Variants in RYR2 observed in about 807,000 individuals in gnomAD.
The protein encoded by RYR2 is cardiac muscle ryanodine receptor-calcium release channel.
In RYR2, 227 loss-of-function variants were observed where a neutral mutation model predicts 601.1. The ratio of observed to expected loss-of-function variants is 0.38; its 90% CI spans 0.34 to 0.42. The LOEUF is 0.42. Ranked by LOEUF, RYR2 falls within the 10% of genes least tolerant of loss-of-function variation. RYR2 has a pLI of 1.00. For missense variants in RYR2, 4,646 were observed against 6,156.5 expected, an observed-to-expected ratio of 0.75 and a Z score of 8.21; for synonymous variants, 2,223 against 2,175.1, an observed-to-expected ratio of 1.02 and a Z score of -0.61.
chr1:237,783,395 TTATC>T (rs1196062912), intron 89 of RYR2, among the ~76,000 whole-genome samples: 1 of 152,204 alleles, frequency 6.6e-6, no homozygotes, highest in Non-Finnish European at 1.5e-5. Context: ...CTCATTTTCT[TTATC>T]TAAAACATGT....
chr1:237,346,163 C>T (rs944173432), intron 3 of RYR2, among the ~76,000 whole-genome samples: 3 of 151,744 alleles, frequency 2.0e-5, no homozygotes, highest in East Asian at 1.9e-4. Context: ...CCCAGGAGTT[C>T]GAGACCAGCC....
intron 5 of RYR2, among the ~76,000 whole-genome samples, chr1:237,366,157 T>G (rs770623325): frequency 6.6e-6 from 1 of 152,222 alleles, no homozygotes; most frequent in South Asian, 2.1e-4. Flanking sequence ...AGATGGATGC[T>G]TTCTTGTTGT....
chr1:237,758,988 ATTG>A (rs1346945609), intron 82 of RYR2, among the ~76,000 whole-genome samples: 1 of 152,172 alleles, frequency 6.6e-6, no homozygotes, highest in Non-Finnish European at 1.5e-5. Flanking sequence ...AATGATTCCT[ATTG>A]TTTTTTCAAT....
chr1:237,579,897 A>T, intron 29 of RYR2, among the ~76,000 whole-genome samples: 1 of 152,156 alleles, frequency 6.6e-6, no homozygotes, highest in East Asian at 1.9e-4. Context: ...AGCAAAACAA[A>T]ACCAGCAACA....
chr1:237,266,172 C>G, intron 1 of RYR2, among the ~76,000 whole-genome samples: 1 of 152,176 alleles, frequency 6.6e-6, no homozygotes, highest in Non-Finnish European at 1.5e-5. Context: ...AAGTCTGCAC[C>G]TCAGCGGCTG....
chr1:237,324,810 A>G (rs1695991432), intron 2 of RYR2, among the ~76,000 whole-genome samples: 1 of 152,142 alleles, frequency 6.6e-6, no homozygotes, highest in African/African-American at 2.4e-5. Context: ...CATTTGCAAA[A>G]TACATTTTGA....
intron 2 of RYR2, among the ~76,000 whole-genome samples, chr1:237,315,680 G>A (rs948936254): frequency 2.0e-5 from 3 of 152,122 alleles, no homozygotes; most frequent in Admixed American, 6.5e-5. Context: ...AAAATATGTT[G>A]TCCATAAATA....
At position 237,168,864 on chromosome 1, in the gene RYR2, T is replaced by G. The variant is rs1368084861; in HGVS notation, c.49-101633T>G. On this transcript the variant is annotated intron_variant, in intron 1 of 104. Transcript: ENST00000366574. ...TTGACTTAAATATACTAGGAATATT[T>G]AAGTCTATCCGAGTCTTTCCTCCCC... Among the ~76,000 whole-genome samples the G allele has an allele frequency of 1.1e-4, 17 of 152,216 alleles. No individual in the cohort carries two copies. In the East Asian group the frequency reaches 3.3e-3, roughly 29 times the overall value.
chr1:237,752,043 A>C (rs908698393), intron 80 of RYR2, among the ~76,000 whole-genome samples: 1 of 152,184 alleles, frequency 6.6e-6, no homozygotes, highest in South Asian at 2.1e-4. Context: ...ATATCACATC[A>C]TTTAGTTCTG....
At chr1:237,278,851 C>T (rs980747062) in intron 2 of RYR2, among the ~76,000 whole-genome samples, 5 of 152,142 alleles carry the variant, frequency 3.3e-5, no homozygotes, top group Non-Finnish European at 7.3e-5. Flanking sequence ...AATTGCTCTT[C>T]GTTTCTCCTT....
rs767973692 is a variant in RYR2, at chr1:237,500,697, T to C, written c.2204-14T>C. On this transcript the variant is annotated splice_polypyrimidine_tract_variant and intron_variant, in intron 20 of 104. Coordinates refer to ENST00000366574, the MANE Select transcript of RYR2 (RefSeq NM_001035.3). The stretch of plus-strand genomic sequence containing the variant: ...AAAAATACATGACCTTCCTTAATGT[T>C]TTCCCCCCAATAGGTTGTATTGCTC... The C allele has an allele frequency of 6.4e-7, 1 of 1,570,618 alleles. No individual in the cohort carries two copies. The highest frequency in any genetic ancestry group is 1.7e-4 in the Middle Eastern group (1 of 5,826).
At chr1:237,262,245 GTTTTTTTTTTTT>G (rs386370106) in intron 1 of RYR2, among the ~76,000 whole-genome samples, 1 of 61,102 alleles carries the variant, frequency 1.6e-5, no homozygotes, top group Admixed American at 3.0e-4. Context: ...GTTCTAAAGA[GTTTTTTTTTTTT>G]TTTTTTTTTT....
intron 42 of RYR2, 70 bp downstream of exon 42, chr1:237,631,611 AGATTTTTTTTTTT>A: frequency 3.4e-6 from 1 of 292,580 alleles, no homozygotes; most frequent in African/African-American, 5.0e-5. Context: ...TATAGAATGC[AGATTTTTTTTTTT>A]TTTTTTTTTT....
rs572067911 is a variant in RYR2, at chr1:237,601,701, T to C, written c.4597-324T>C. ...TATCAAAACATCATGTTACACCCCA[T>C]TAAATATCTACAATGTGTCAATTAA... On this transcript the variant is annotated intron_variant, in intron 34 of 104. Coordinates refer to ENST00000366574, the MANE Select transcript of RYR2 (RefSeq NM_001035.3). 2.0e-5 allele frequency among the ~76,000 whole-genome samples: 3 copies of C among 152,262 alleles called. No individual in the cohort carries two copies. The East Asian group carries it at 5.8e-4, about 29-fold the overall frequency.
intron 61 of RYR2, 41 bp from the exon 62 acceptor site, chr1:237,680,415 G>A: frequency 1.3e-6 from 2 of 1,583,382 alleles, no homozygotes; most frequent in Non-Finnish European, 1.7e-6. Flanking sequence ...TCCCCTGAAA[G>A]ATTCCACTAC....
chr1:237,369,697 C>A, intron 6 of RYR2, 89 bp downstream of exon 6: 1 of 1,015,410 alleles, frequency 9.8e-7, no homozygotes, highest in South Asian at 1.4e-5. Flanking sequence ...ATCATTTCTG[C>A]AATGGTATTA....
At chr1:237,577,579 C>T (rs1036336330) in intron 29 of RYR2, among the ~76,000 whole-genome samples, 3 of 147,914 alleles carry the variant, frequency 2.0e-5, no homozygotes, top group Non-Finnish European at 4.5e-5. Context: ...AGAGAGAGAT[C>T]GATCTGGGAG....
At chr1:237,172,596 A>C (rs1020631079) in intron 1 of RYR2, among the ~76,000 whole-genome samples, 47 of 152,172 alleles carry the variant, frequency 3.1e-4, no homozygotes, top group Non-Finnish European at 2.2e-4. Flanking sequence ...GTAAAAAGAG[A>C]TGCAGAAAGC....
chr1:237,711,805 C>A lies in RYR2; in HGVS notation c.10291C>A (p.Leu3431Ile). The A allele has an allele frequency of 6.4e-7, 1 of 1,551,792 alleles. No individual in the cohort carries two copies. The highest frequency in any genetic ancestry group is 1.1e-5 in the South Asian group (1 of 88,908). The part of the protein sequence containing the change: ...VQNEINNMSF[L>I]ITDTKSKMSK... ...GAATGAAATCAACAATATGTCTTTC[C>A]TTATTACTGATACCAAGTCAAAGAT... Residue 3431 changes from leucine to isoleucine, a missense_variant, in exon 71 of 105, where the codon CTT becomes ATT. Leu to Ile is a conservative substitution (Grantham distance 5). This residue lies in a region of RYR2 where 1,497 missense variants were observed against 1,842.6 expected (regional missense o/e 0.81). Coordinates refer to ENST00000366574, the MANE Select transcript of RYR2 (RefSeq NM_001035.3).
Sources: gnomAD v4.1 joint callset for allele counts (sites outside exome capture counted in the v4.1 genomes callset) on GRCh38, gnomAD v4.1.1 for gene constraint, gnomAD v4.1.1 regional missense constraint, MANE v1.5 for transcripts, NCBI Gene and HGNC (gene_info 2026-07-23, HGNC 2026-07-21) for gene names.